The following IFT80 variants were observed in gnomAD, a reference collection of about 807,000 sequenced individuals.
The protein encoded by IFT80 is intraflagellar transport protein 80 homolog.
Under a neutral mutation model 107.9 loss-of-function variants are expected in IFT80, and 79 were observed. The ratio of observed to expected loss-of-function variants is 0.73; its 90% CI spans 0.61 to 0.88. The LOEUF (loss-of-function observed/expected upper bound fraction) is 0.88, where lower values mean the gene tolerates loss of function less well. IFT80 is among the 40% of genes least tolerant of loss of function. IFT80 has a pLI of 0.00. For synonymous variants in IFT80, 299 were observed against 300.9 expected (o/e 0.99, Z 0.07); for missense variants, 797 against 914.2 (o/e 0.87, Z 1.65).
intron 9 of IFT80, among the ~76,000 whole-genome samples, chr3:160,316,908 A>G (rs573099738): frequency 6.6e-6 from 1 of 152,290 alleles, no homozygotes; most frequent in Non-Finnish European, 1.5e-5. Flanking sequence ...GAGTTGAGGA[A>G]GAGAAAGAGA....
chr3:160,309,919 T>C (rs1449944981), intron 9 of IFT80, among the ~76,000 whole-genome samples: 2 of 152,158 alleles, frequency 1.3e-5, no homozygotes, highest in Non-Finnish European at 2.9e-5. Flanking sequence ...AGAGTTACTC[T>C]TAAAAAATCA....
At chr3:160,345,440 A>C (rs1412174374) in intron 8 of IFT80, among the ~76,000 whole-genome samples, 2 of 152,126 alleles carry the variant, frequency 1.3e-5, no homozygotes, top group Admixed American at 6.5e-5. Flanking sequence ...TAATCCCAGC[A>C]CTTTGGGAGG....
At chr3:160,309,687 CA>C (rs573029055) in intron 9 of IFT80, among the ~76,000 whole-genome samples, 5 of 142,526 alleles carry the variant, frequency 3.5e-5, no homozygotes, top group Non-Finnish European at 3.1e-5. Flanking sequence ...ACTCCCATCT[CA>C]AAAAAAAAAT....
chr3:160,262,970 T>C (rs1169611543), intron 19 of IFT80, among the ~76,000 whole-genome samples: 1 of 152,164 alleles, frequency 6.6e-6, no homozygotes, highest in Non-Finnish European at 1.5e-5. Context: ...ATTTCTCCCT[T>C]GTCAATGTCC....
intron 8 of IFT80, among the ~76,000 whole-genome samples, chr3:160,327,498 G>A (rs985441213): frequency 2.0e-5 from 3 of 152,082 alleles, no homozygotes; most frequent in South Asian, 2.1e-4. Context: ...CAATGGAACA[G>A]AATAGAGAAC....
intron 8 of IFT80, among the ~76,000 whole-genome samples, chr3:160,338,810 T>C (rs1241406722): frequency 6.6e-6 from 1 of 152,228 alleles, no homozygotes; most frequent in Non-Finnish European, 1.5e-5. Context: ...CTCTCCTTTC[T>C]AAATGCTGCT....
intron 15 of IFT80, among the ~76,000 whole-genome samples, chr3:160,279,565 T>G (rs1213946617): frequency 2.0e-5 from 3 of 152,216 alleles, no homozygotes; most frequent in African/African-American, 7.2e-5. Context: ...ATATTCTCCC[T>G]GGAATTAACT....
intron 5 of IFT80, among the ~76,000 whole-genome samples, chr3:160,375,454 C>T (rs1173617319): frequency 6.6e-6 from 1 of 152,046 alleles, no homozygotes; most frequent in Non-Finnish European, 1.5e-5. Flanking sequence ...TACTCAATAT[C>T]TTTTCGTACT....
At chr3:160,391,210 A>T (rs1391334784) in intron 1 of IFT80, among the ~76,000 whole-genome samples, 1 of 152,122 alleles carries the variant, frequency 6.6e-6, no homozygotes, top group Admixed American at 6.5e-5. Flanking sequence ...TTGCCCTTGA[A>T]TTCTTTCTTG....
chr3:160,353,676 C>T (rs918171994), intron 8 of IFT80, among the ~76,000 whole-genome samples: 14 of 152,170 alleles, frequency 9.2e-5, no homozygotes, highest in African/African-American at 3.4e-4. Context: ...CTGAGTTAGG[C>T]TCTTCCACAC....
At chr3:160,296,711 T>C (rs1336530072) in intron 12 of IFT80, among the ~76,000 whole-genome samples, 1 of 152,180 alleles carries the variant, frequency 6.6e-6, no homozygotes, top group Non-Finnish European at 1.5e-5. Flanking sequence ...ACTACATTGA[T>C]AGAAAGGCTT....
At chr3:160,341,689 C>T (rs569866946) in intron 8 of IFT80, among the ~76,000 whole-genome samples, 74 of 152,138 alleles carry the variant, frequency 4.9e-4, no homozygotes, top group Non-Finnish European at 9.4e-4. Flanking sequence ...TAACACTGGT[C>T]ACTTTCCAGC....
intron 19 of IFT80, among the ~76,000 whole-genome samples, chr3:160,262,684 C>T (rs1421127002): frequency 6.6e-6 from 1 of 152,028 alleles, no homozygotes; most frequent in Non-Finnish European, 1.5e-5. Flanking sequence ...CAAGAGTTGT[C>T]TCTAGTAAAG....
chr3:160,386,779 T>C (rs1002821108), intron 1 of IFT80, among the ~76,000 whole-genome samples: 9 of 152,294 alleles, frequency 5.9e-5, no homozygotes, highest in African/African-American at 1.2e-4. Flanking sequence ...AGCCAGTAAT[T>C]CTTTTAAAGC....
chr3:160,292,875 T>C (rs1176820160), intron 12 of IFT80, among the ~76,000 whole-genome samples: 4 of 152,186 alleles, frequency 2.6e-5, no homozygotes, highest in Non-Finnish European at 4.4e-5. Context: ...CCACTACAAA[T>C]GCCAGAAGCA....
chr3:160,282,721 C>T, intron 13 of IFT80, 108 bp from the exon 14 acceptor site: 1 of 721,786 alleles, frequency 1.4e-6, no homozygotes, highest in Non-Finnish European at 2.3e-6. Context: ...AATGTCATTT[C>T]CCCATTTATA....
chr3:160,392,399 ATCTATTTGACAAC>A (rs1302276331), intron 1 of IFT80, among the ~76,000 whole-genome samples: 3 of 152,186 alleles, frequency 2.0e-5, no homozygotes, highest in African/African-American at 7.2e-5. Context: ...ACACTTTTAT[ATCTATTTGACAAC>A]TCTATTTGAA....
In IFT80 at chr3:160,262,482, G is replaced by A. The variant is rs150316011; in HGVS notation, c.2224-3847C>T. ...CCACAGGTGTATGCTACCACACCTGGCTAATTTTTTAAATTTTTTTAGAGA... is the reference window on the plus strand; with the variant it reads ...CCACAGGTGTATGCTACCACACCTGACTAATTTTTTAAATTTTTTTAGAGA... On this transcript the variant is annotated intron_variant, in intron 19 of 19. Transcript: ENST00000326448. Among the ~76,000 whole-genome samples, 1,190 of 130,472 alleles carry A rather than the reference G, an allele frequency of 9.1e-3. 8 individuals are homozygous for A. The highest frequency in any genetic ancestry group is 0.013 in the Non-Finnish European group (818 of 62,578). 85.6% of individuals were successfully genotyped at this position (130,472 alleles called of 152,430 possible). A position where few individuals can be genotyped will look rare whatever the true frequency, so the allele number is the denominator to read the frequency against.
chr3:160,333,030 T>C (rs967571833), intron 8 of IFT80, among the ~76,000 whole-genome samples: 4 of 152,202 alleles, frequency 2.6e-5, no homozygotes, highest in Admixed American at 2.6e-4. Flanking sequence ...CTAGACTATA[T>C]GGTATAGCCT....
Sources: allele counts gnomAD v4.1 joint callset (sites outside exome capture counted in the v4.1 genomes callset), GRCh38; gene constraint gnomAD v4.1.1; transcripts MANE v1.5; gene names NCBI Gene and HGNC (gene_info 2026-07-23, HGNC 2026-07-21).